The following PAK3 variants were observed in gnomAD, a reference collection of about 807,000 sequenced individuals.
PAK3 encodes the protein serine/threonine-protein kinase PAK 3.
A neutral mutation model predicts 41.0 loss-of-function variants in PAK3; 4 were observed. The ratio of observed to expected loss-of-function variants is 0.10; its 90% confidence interval spans 0.05 to 0.22. The LOEUF (loss-of-function observed/expected upper bound fraction) is 0.22. Ranked by LOEUF, PAK3 falls within the 10% of genes least tolerant of loss-of-function variation. The probability of loss-of-function intolerance (pLI) is 1.00; values close to 1 mark genes in which losing one functional copy is unlikely to be tolerated. For missense variants in PAK3, 205 were observed against 409.9 expected (o/e 0.50, Z 4.32); for synonymous variants, 146 against 139.6 (o/e 1.05, Z -0.32).
chrX:111,206,997 A>G (rs2094755759), intron 16 of PAK3, among the ~76,000 whole-genome samples: 2 of 110,272 alleles, frequency 1.8e-5, no homozygotes, highest in Non-Finnish European at 3.8e-5. Flanking sequence ...TTCTAAAACA[A>G]CAAAAGAATC....
intron 1 of PAK3, among the ~76,000 whole-genome samples, chrX:111,040,511 G>A (rs2092443017): frequency 9.0e-6 from 1 of 111,723 alleles, no homozygotes; most frequent in African/African-American, 3.3e-5. Context: ...AAGAAAAGCA[G>A]TATGACAGAG....
chrX:111,101,661 A>G (rs2093141533), intron 3 of PAK3, among the ~76,000 whole-genome samples: 1 of 111,324 alleles, frequency 9.0e-6, no homozygotes, highest in African/African-American at 3.3e-5. Context: ...CTTGAGCCCC[A>G]CCCCTCTCTG....
chrX:111,126,963 T>C (rs981336482), intron 5 of PAK3, among the ~76,000 whole-genome samples: 4 of 111,187 alleles, frequency 3.6e-5, no homozygotes, highest in African/African-American at 1.3e-4. Flanking sequence ...GTCAAAAACT[T>C]GGAAAATAAA....
rs368489818 is a variant in PAK3, at chrX:111,193,283, AG to A, written c.992+667del. Among the ~76,000 whole-genome samples, 59 of 109,646 alleles carry A rather than the reference AG, an allele frequency of 5.4e-4. 1 individual carries two copies. Among genetic ancestry groups the A allele is most frequent in the African/African-American group, 1.9e-3 (58 of 30,223 alleles). On this transcript the variant is annotated intron_variant, in intron 13 of 17. Coordinates refer to ENST00000372007, the MANE Select transcript of PAK3 (RefSeq NM_002578.5). The stretch of plus-strand genomic sequence containing the variant: ...GATACTGTTTTCTGCTTTTTGGGCC[AG>A]GTAGACCAATGTTACAGAAGAAGGA...
intron 5 of PAK3, among the ~76,000 whole-genome samples, chrX:111,132,111 A>G (rs1237839282): frequency 9.0e-6 from 1 of 111,287 alleles, no homozygotes; most frequent in Non-Finnish European, 1.9e-5. Flanking sequence ...TGGGGCACTA[A>G]CTGACAGCCT....
intron 16 of PAK3, among the ~76,000 whole-genome samples, chrX:111,197,785 C>T (rs2094632580): frequency 9.0e-6 from 1 of 111,241 alleles, no homozygotes; most frequent in Admixed American, 9.5e-5. Context: ...CAACCTCTGC[C>T]CACTAGGTTC....
At chrX:111,171,438 C>T (rs57204200) in intron 10 of PAK3, among the ~76,000 whole-genome samples, 20,462 of 110,189 alleles carry the variant, frequency 0.19, 4,200 homozygotes, top group African/African-American at 0.62. Context: ...CATGATTGTT[C>T]TATAACCCCA....
chrX:111,040,380 C>T (rs1172244459), intron 1 of PAK3, among the ~76,000 whole-genome samples: 1 of 112,042 alleles, frequency 8.9e-6, no homozygotes, highest in African/African-American at 3.3e-5. Context: ...TAATCATTAT[C>T]ATCATAATGC....
chrX:111,065,826 G>C (rs755167475), intron 1 of PAK3, among the ~76,000 whole-genome samples: 5 of 111,496 alleles, frequency 4.5e-5, no homozygotes, highest in Non-Finnish European at 7.5e-5. Context: ...ATTTAGTCTA[G>C]ATTTTCTAGT....
intron 1 of PAK3, among the ~76,000 whole-genome samples, chrX:111,025,337 T>C (rs1569507617): frequency 1.8e-5 from 2 of 110,596 alleles, no homozygotes. Context: ...ATACAAAAGA[T>C]AAATGAAACA....
chrX:111,044,794 G>C (rs1453315775), intron 1 of PAK3, among the ~76,000 whole-genome samples: 2 of 112,312 alleles, frequency 1.8e-5, no homozygotes, highest in Non-Finnish European at 3.8e-5. Flanking sequence ...ACCAGAAGTT[G>C]ATCTTGGAAT....
At chrX:111,114,088 C>T (rs745640421) in intron 4 of PAK3, among the ~76,000 whole-genome samples, 4 of 112,409 alleles carry the variant, frequency 3.6e-5, no homozygotes, top group South Asian at 7.4e-4. Context: ...AATAAACATA[C>T]GTGTTCATGT....
In PAK3 at chrX:110,947,680, G is replaced by A. The variant is rs763798826; in HGVS notation, c.-28+3052G>A. On this transcript the variant is annotated intron_variant, in intron 1 of 14. Coordinates refer to the PAK3 transcript ENST00000425146. ...ACTCTCCAGGAGTATAAAATATGCA[G>A]CATTTCTCAGATGGAATTACCCATA... Among the ~76,000 whole-genome samples the A allele has an allele frequency of 8.9e-5, 10 of 112,075 alleles. No individual in the cohort carries two copies. The South Asian group carries it at 3.0e-3, about 34-fold the overall frequency.
At chrX:111,063,367 A>C (rs1320293204) in intron 1 of PAK3, among the ~76,000 whole-genome samples, 2 of 112,297 alleles carry the variant, frequency 1.8e-5, no homozygotes, top group Non-Finnish European at 3.8e-5. Flanking sequence ...AGTTCACAAA[A>C]TATTATTTGT....
intron 1 of PAK3, among the ~76,000 whole-genome samples, chrX:111,073,627 G>A (rs1378761772): frequency 8.9e-6 from 1 of 111,733 alleles, no homozygotes; most frequent in Non-Finnish European, 1.9e-5. Context: ...TACATTACTA[G>A]ATACATATAA....
intron 8 of PAK3, among the ~76,000 whole-genome samples, chrX:111,160,812 C>T (rs777076058): frequency 2.0e-4 from 22 of 110,794 alleles, no homozygotes; most frequent in African/African-American, 6.2e-4. Flanking sequence ...TTTTTTGTGG[C>T]GCATAGTATT....
chrX:111,121,366 C>G (rs1255906971), intron 4 of PAK3, among the ~76,000 whole-genome samples: 1 of 111,972 alleles, frequency 8.9e-6, no homozygotes, highest in African/African-American at 3.2e-5. Flanking sequence ...TGTCAATCAC[C>G]TGTGCAGATG....
intron 17 of PAK3, among the ~76,000 whole-genome samples, chrX:111,219,732 A>T (rs1051468825): frequency 1.8e-5 from 2 of 111,179 alleles, no homozygotes; most frequent in African/African-American, 3.3e-5. Flanking sequence ...AAATTAAATT[A>T]AAAAAAGAAG....
At chrX:110,985,597 G>C (rs1006620256) in intron 1 of PAK3, among the ~76,000 whole-genome samples, 3 of 112,278 alleles carry the variant, frequency 2.7e-5, no homozygotes, top group African/African-American at 9.7e-5. Context: ...GGTGAAATGA[G>C]ATGGCCAGAA....
Sources: allele counts gnomAD v4.1 joint callset (sites outside exome capture counted in the v4.1 genomes callset), GRCh38; gene constraint gnomAD v4.1.1; transcripts MANE v1.5; gene names NCBI Gene and HGNC (gene_info 2026-07-23, HGNC 2026-07-21).